NEK11: variants seen among roughly 807,000 people sequenced by gnomAD.
NEK11 encodes NIMA related kinase 11.
Under a neutral mutation model 80.7 loss-of-function variants are expected in NEK11, and 72 were observed. The ratio of observed to expected loss-of-function variants is 0.89; its 90% CI spans 0.74 to 1.08. The LOEUF (loss-of-function observed/expected upper bound fraction) is 1.08. NEK11 is among the 50% of genes least tolerant of loss of function. NEK11 has a pLI of 0.00. For synonymous variants in NEK11, 251 were observed against 260.7 expected (o/e 0.96, Z 0.36); for missense variants, 764 against 763.6 (o/e 1.00, Z -0.01).
chr3:131,161,422 G>A (rs1009497717), intron 10 of NEK11, among the ~76,000 whole-genome samples: 3 of 152,076 alleles, frequency 2.0e-5, no homozygotes, highest in African/African-American at 7.2e-5. Flanking sequence ...GCAAAGACAT[G>A]GAATCAACCT....
At chr3:131,260,541 A>G (rs1462362259) in intron 16 of NEK11, among the ~76,000 whole-genome samples, 1 of 152,130 alleles carries the variant, frequency 6.6e-6, no homozygotes, top group African/African-American at 2.4e-5. Flanking sequence ...TCATTTACCT[A>G]TTGCCTATAG....
At chr3:131,063,647 C>T (rs1156561597) in intron 3 of NEK11, among the ~76,000 whole-genome samples, 1 of 152,028 alleles carries the variant, frequency 6.6e-6, no homozygotes, top group African/African-American at 2.4e-5. Flanking sequence ...GAACTGGAGG[C>T]TTAATAAGTT....
intron 3 of NEK11, among the ~76,000 whole-genome samples, chr3:131,048,675 A>G (rs2067828720): frequency 6.6e-6 from 1 of 152,124 alleles, no homozygotes; most frequent in Non-Finnish European, 1.5e-5. Context: ...CGCTTCCTTC[A>G]AAGGATCTGT....
intron 3 of NEK11, among the ~76,000 whole-genome samples, chr3:131,038,570 C>T (rs551631869): frequency 1.3e-5 from 2 of 152,166 alleles, no homozygotes; most frequent in African/African-American, 4.8e-5. Context: ...TTGGCTTAGG[C>T]AGGGGGCCAA....
At chr3:131,294,671 T>A (rs73870841) in intron 17 of NEK11, among the ~76,000 whole-genome samples, 15,810 of 152,186 alleles carry the variant, frequency 0.1, 925 homozygotes, top group African/African-American at 0.13. Context: ...AAGTCTCCAA[T>A]GATGATAGTG....
intron 14 of NEK11, among the ~76,000 whole-genome samples, chr3:131,220,348 G>A (rs958154415): frequency 6.9e-6 from 1 of 144,562 alleles, no homozygotes; most frequent in South Asian, 2.4e-4. Context: ...TATTTTTAAT[G>A]TTTTTATTAA....
At chr3:131,324,918 ACT>A (rs1199131269) in intron 17 of NEK11, among the ~76,000 whole-genome samples, 1 of 152,100 alleles carries the variant, frequency 6.6e-6, no homozygotes, top group East Asian at 1.9e-4. Context: ...TTTTAAAATT[ACT>A]CTGTCCCTCT....
At chr3:131,051,195 A>G (rs183576038) in intron 3 of NEK11, among the ~76,000 whole-genome samples, 1 of 152,364 alleles carries the variant, frequency 6.6e-6, no homozygotes, top group East Asian at 1.9e-4. Context: ...CAGTTACGTT[A>G]GATTATAAAG....
At chr3:131,165,249 TA>T (rs1424082282) in intron 11 of NEK11, 176 bp from the exon 12 acceptor site, 1 of 562,188 alleles carries the variant, frequency 1.8e-6, no homozygotes, top group Non-Finnish European at 3.2e-6. Flanking sequence ...GTGTGTGCTT[TA>T]AAAGAGAATC....
At chr3:131,279,429 T>G (rs1394432690) in intron 17 of NEK11, among the ~76,000 whole-genome samples, 1 of 152,226 alleles carries the variant, frequency 6.6e-6, no homozygotes, top group East Asian at 1.9e-4. Context: ...CTCACCTCTT[T>G]TTATATATAG....
rs756554990 is a variant in NEK11, at chr3:131,110,211, C to A, written c.455+290C>A. 3.9e-5 allele frequency among the ~76,000 whole-genome samples: 6 copies of A among 152,092 alleles called. No individual in the cohort carries two copies. In the South Asian group the frequency reaches 1.2e-3, roughly 32 times the overall value. ...ATGTCTGATCATGTCCTGTGAATTA[C>A]AGGAAGTTCTCAGAAACCTTTGGCA... On this transcript the variant is annotated intron_variant, in intron 5 of 17. Transcript: ENST00000383366.
At chr3:131,240,063 T>G (rs996518826) in intron 15 of NEK11, among the ~76,000 whole-genome samples, 1 of 152,142 alleles carries the variant, frequency 6.6e-6, no homozygotes, top group Non-Finnish European at 1.5e-5. Context: ...ACCAAATCAT[T>G]TATCTATTGT....
chr3:131,195,104 C>T (rs1434291297), intron 14 of NEK11, among the ~76,000 whole-genome samples: 1 of 152,186 alleles, frequency 6.6e-6, no homozygotes, highest in African/African-American at 2.4e-5. Flanking sequence ...TCATTCTCTA[C>T]ATGCCTACCA....
intron 3 of NEK11, among the ~76,000 whole-genome samples, chr3:131,063,470 C>G (rs1477622828): frequency 6.6e-6 from 1 of 152,144 alleles, no homozygotes; most frequent in Non-Finnish European, 1.5e-5. Context: ...TGGAGGGCAA[C>G]TGTCCTTTTT....
rs191981334 is a variant in NEK11, at chr3:131,159,054, A to G, written c.963-3354A>G. 2.4e-4 allele frequency among the ~76,000 whole-genome samples: 37 copies of G among 152,312 alleles called. 1 individual carries two copies. The highest frequency in any genetic ancestry group is 2.0e-3 in the Admixed American group (30 of 15,300). On this transcript the variant is annotated intron_variant, in intron 10 of 17. Coordinates refer to ENST00000383366, the MANE Select transcript of NEK11 (RefSeq NM_024800.5). ...ACTGGCTGCCTAAAATTTTCCAGAA[A>G]CAAAACCAGTCTACTGAATCCACCT...
At chr3:131,231,539 T>C (rs899098140) in intron 15 of NEK11, among the ~76,000 whole-genome samples, 1 of 150,822 alleles carries the variant, frequency 6.6e-6, no homozygotes, top group Non-Finnish European at 1.5e-5. Context: ...TAGCAAAAAA[T>C]AGAGTAATTT....
intron 15 of NEK11, among the ~76,000 whole-genome samples, chr3:131,232,669 C>T (rs962724376): frequency 6.6e-6 from 1 of 152,158 alleles, no homozygotes; most frequent in African/African-American, 2.4e-5. Context: ...GGAACATTGT[C>T]CCGGGGCAGA....
At chr3:131,035,495 A>G (rs978512480) in intron 3 of NEK11, among the ~76,000 whole-genome samples, 4 of 152,248 alleles carry the variant, frequency 2.6e-5, no homozygotes, top group African/African-American at 9.6e-5. Context: ...AGACAGACTC[A>G]CTAACTGGCA....
chr3:131,162,448 G>A lies in NEK11; in HGVS notation c.1003G>A (p.Glu335Lys). 1 of 1,614,128 alleles carries A rather than the reference G, an allele frequency of 6.2e-7. No individual in the cohort carries two copies. The highest frequency in any genetic ancestry group is 8.5e-7 in the Non-Finnish European group (1 of 1,179,984). Residue 335 changes from glutamate (E) to lysine (K), a missense_variant, in exon 11 of 18, where the codon GAA (glutamate) becomes AAA (lysine). Transcript: ENST00000383366. ...IHLQTLRALSEVQKMTPRERM... is the reference protein window; with the variant it reads ...IHLQTLRALSKVQKMTPRERM... ...CCTGCAGACTCTGAGGGCACTGTCA[G>A]AAGTACAGAAAATGACGCCAAGAGA...
Sources: gnomAD v4.1 joint callset for allele counts (sites outside exome capture counted in the v4.1 genomes callset) on GRCh38, gnomAD v4.1.1 for gene constraint, MANE v1.5 for transcripts, NCBI Gene and HGNC (gene_info 2026-07-23, HGNC 2026-07-21) for gene names.